SLC2A9: variants seen among roughly 807,000 people sequenced by gnomAD.
The protein encoded by SLC2A9 is solute carrier family 2 member 9.
In SLC2A9, 39 loss-of-function variants were observed where a neutral mutation model predicts 50.6. The ratio of observed to expected loss-of-function variants is 0.77; its 90% CI spans 0.60 to 1.01. The LOEUF is 1.01. Among genes scored for constraint, SLC2A9 ranks in the 50% least tolerant of loss-of-function variants. The pLI is 0.00. For synonymous variants in SLC2A9, 324 were observed against 276.9 expected, an observed-to-expected ratio of 1.17 and a Z score of -1.69; for missense variants, 686 against 677.6, an observed-to-expected ratio of 1.01 and a Z score of -0.14.
intron 7 of SLC2A9, 88 bp from the exon 8 acceptor site, chr4:9,908,433 T>C (rs1741090261): frequency 2.2e-6 from 2 of 928,318 alleles, no homozygotes; most frequent in Non-Finnish European, 1.7e-6. Flanking sequence ...TCAGGTGGTC[T>C]CTGGATTAAA....
At chr4:9,806,590 C>T (rs371990537) in intron 3 of SLC2A9, among the ~76,000 whole-genome samples, 28 of 152,132 alleles carry the variant, frequency 1.8e-4, no homozygotes, top group South Asian at 1.0e-3. Flanking sequence ...AGGGTCTCCA[C>T]GACTGAGCTG....
At chr4:9,908,488 T>A (rs981019571) in intron 7 of SLC2A9, 143 bp from the exon 8 acceptor site, 1 of 478,006 alleles carries the variant, frequency 2.1e-6, no homozygotes. Context: ...ATTTTTCATT[T>A]TCATCCCACC....
downstream of SLC2A9, among the ~76,000 whole-genome samples, chr4:9,824,279 T>C (rs1043246124): frequency 2.0e-5 from 3 of 150,790 alleles, no homozygotes; most frequent in African/African-American, 4.9e-5. Context: ...GATGTCCCCC[T>C]GACATTGAAC....
intron 3 of SLC2A9, among the ~76,000 whole-genome samples, chr4:9,784,220 T>C (rs1429756300): frequency 6.6e-6 from 1 of 152,188 alleles, no homozygotes; most frequent in Non-Finnish European, 1.5e-5. Context: ...CTTATACCCA[T>C]GTTGGGTCTG....
chr4:9,922,436 AACAAACC>A (rs201706663), intron 6 of SLC2A9, among the ~76,000 whole-genome samples: 1,878 of 152,272 alleles, frequency 0.012, 25 homozygotes, highest in Middle Eastern at 0.02. Context: ...TGACCTATGT[AACAAACC>A]TGCACATCCT....
chr4:10,022,174 A>G (rs769666785), upstream of SLC2A9, among the ~76,000 whole-genome samples: 4 of 152,184 alleles, frequency 2.6e-5, no homozygotes, highest in Non-Finnish European at 5.9e-5. Flanking sequence ...TCCTCAGGCA[A>G]GTCACTTTAT....
intron 10 of SLC2A9, among the ~76,000 whole-genome samples, chr4:9,844,436 C>T (rs1442181123): frequency 6.6e-6 from 1 of 152,206 alleles, no homozygotes; most frequent in African/African-American, 2.4e-5. Flanking sequence ...GAGACATTAT[C>T]TACTTCATTA....
chr4:9,795,688 C>T (rs1295750919), downstream of SLC2A9, among the ~76,000 whole-genome samples: 1 of 152,180 alleles, frequency 6.6e-6, no homozygotes, highest in Non-Finnish European at 1.5e-5. Flanking sequence ...GTCTTAATTG[C>T]TGATCAAAAA....
chr4:10,005,795 C>A (rs1265623376), intron 2 of SLC2A9, among the ~76,000 whole-genome samples: 1 of 152,184 alleles, frequency 6.6e-6, no homozygotes, highest in Non-Finnish European at 1.5e-5. Flanking sequence ...AATCTGTGTG[C>A]CTCTCTGGAA....
intron 5 of SLC2A9, among the ~76,000 whole-genome samples, chr4:9,948,238 G>A (rs1257907076): frequency 2.0e-5 from 3 of 152,140 alleles, no homozygotes; most frequent in Admixed American, 6.5e-5. Flanking sequence ...CACATCCCCC[G>A]GGTAGTGATT....
At chr4:9,858,227 T>C (rs913772711) in intron 10 of SLC2A9, among the ~76,000 whole-genome samples, 7 of 152,178 alleles carry the variant, frequency 4.6e-5, no homozygotes, top group African/African-American at 1.4e-4. Context: ...GGTTCAAATA[T>C]GAAGTAGACC....
intron 3 of SLC2A9, among the ~76,000 whole-genome samples, chr4:9,989,102 C>T (rs1757235808): frequency 6.6e-6 from 1 of 152,218 alleles, no homozygotes; most frequent in Non-Finnish European, 1.5e-5. Context: ...ACATCCCTCA[C>T]CCTCCTCGTG....
intron 4 of SLC2A9, among the ~76,000 whole-genome samples, chr4:9,982,916 C>A (rs1175785547): frequency 6.6e-6 from 1 of 152,172 alleles, no homozygotes; most frequent in African/African-American, 2.4e-5. Context: ...GTTGCCCAGA[C>A]GGGAGTGCAA....
chr4:9,979,992 C>T lies in SLC2A9; in HGVS notation c.681+600G>A, dbSNP rs374353768. ...TTTAGAGGCCACCTCTTCTAAAAAGCCTTCCTTGAGTTTACCCCACCCCAT... is the reference window on the plus strand; with the variant it reads ...TTTAGAGGCCACCTCTTCTAAAAAGTCTTCCTTGAGTTTACCCCACCCCAT... On this transcript the variant is annotated intron_variant, in intron 5 of 11. Coordinates refer to ENST00000264784, the MANE Select transcript of SLC2A9 (RefSeq NM_020041.3). Among the ~76,000 whole-genome samples the T allele has an allele frequency of 2.7e-5, 4 of 149,746 alleles. No individual in the cohort carries two copies. The East Asian group carries it at 5.8e-4, about 22-fold the overall frequency.
At chr4:9,873,643 A>G (rs935939877) in intron 10 of SLC2A9, among the ~76,000 whole-genome samples, 1 of 152,198 alleles carries the variant, frequency 6.6e-6, no homozygotes, top group African/African-American at 2.4e-5. Context: ...GTGCCAGACC[A>G]ATGAGTGAGG....
chr4:10,025,833 G>A, upstream of SLC2A9: 1 of 1,483,450 alleles, frequency 6.7e-7, no homozygotes. Flanking sequence ...ACTGACCCAG[G>A]GGAAAGGGGT....
At chr4:9,845,334 T>C (rs1560183517) in intron 10 of SLC2A9, among the ~76,000 whole-genome samples, 1 of 151,976 alleles carries the variant, frequency 6.6e-6, no homozygotes, top group East Asian at 1.9e-4. Flanking sequence ...TTTAATTTTA[T>C]TTTTGAATAA....
At chr4:9,783,244 A>C in intron 3 of SLC2A9, 2 of 1,614,220 alleles carry the variant, frequency 1.2e-6, no homozygotes, top group Non-Finnish European at 1.7e-6. Context: ...TCCACAAGGA[A>C]ATCGCAGCTG....
At chr4:9,948,025 C>A (rs1053773220) in intron 5 of SLC2A9, among the ~76,000 whole-genome samples, 2 of 152,188 alleles carry the variant, frequency 1.3e-5, no homozygotes, top group South Asian at 4.1e-4. Context: ...AGGATTCATA[C>A]AAATTCTGGG....
Sources: gnomAD v4.1 joint callset for allele counts (sites outside exome capture counted in the v4.1 genomes callset) on GRCh38, gnomAD v4.1.1 for gene constraint, MANE v1.5 for transcripts, NCBI Gene and HGNC (gene_info 2026-07-23, HGNC 2026-07-21) for gene names.